The following IFFO2 variants were observed in gnomAD, a reference collection of about 807,000 sequenced individuals.
The protein encoded by IFFO2 is intermediate filament family orphan 2.
IFFO2 carries 19 observed loss-of-function variants against 53.5 expected under a neutral mutation model. That is an observed-to-expected ratio of 0.36 (90% CI 0.25 to 0.52). IFFO2 has a LOEUF of 0.52. IFFO2 is among the 20% of genes least tolerant of loss of function. The probability of loss-of-function intolerance (pLI) is 0.94; values close to 1 mark genes in which losing one functional copy is unlikely to be tolerated. For missense variants in IFFO2, 570 were observed against 727.4 expected (o/e 0.78, Z 2.49); for synonymous variants, 303 against 313.6 (o/e 0.97, Z 0.36).
At chr1:18,933,154 G>T (rs1265374417) in intron 1 of IFFO2, among the ~76,000 whole-genome samples, 1 of 152,230 alleles carries the variant, frequency 6.6e-6, no homozygotes, top group Non-Finnish European at 1.5e-5. Context: ...CGGAGCTCTC[G>T]CTGGGGCAGG....
At chr1:18,946,405 CT>C (rs966978762) in intron 1 of IFFO2, among the ~76,000 whole-genome samples, 2 of 135,234 alleles carry the variant, frequency 1.5e-5, no homozygotes, top group African/African-American at 5.5e-5. Flanking sequence ...GGGCTTGCCA[CT>C]TTCTTTTTTT....
Position 18,913,808 on chromosome 1 carries a change from TTTGTTG to T in IFFO2, c.1104-1731_1104-1726del, listed in dbSNP as rs965658120. 2.3e-4 allele frequency among the ~76,000 whole-genome samples: 27 copies of T among 116,678 alleles called. No homozygotes were observed. The East Asian group carries it at 4.8e-3, about 21-fold the overall frequency. 76.5% of individuals were successfully genotyped at this position (116,678 alleles called of 152,430 possible). On this transcript the variant is annotated intron_variant, in intron 5 of 8. Transcript: ENST00000455833. Reference sequence around the variant, plus strand: ...ATCAAAGTGATCAGAGGTTTCGTTGTTTGTTGTTGTTGTTGTTTTTTTGTTTGTTTG... The same window carrying T: ...ATCAAAGTGATCAGAGGTTTCGTTGTTTGTTGTTGTTTTTTTGTTTGTTTG...
intron 5 of IFFO2, among the ~76,000 whole-genome samples, chr1:18,913,334 C>T (rs765683172): frequency 2.0e-5 from 3 of 152,264 alleles, no homozygotes; most frequent in Non-Finnish European, 4.4e-5. Context: ...CCGTGTGGCC[C>T]GGAGCCGCCA....
At position 18,908,574 on chromosome 1, in the gene IFFO2, G is replaced by A. The variant is rs1490505472; in HGVS notation, c.1541C>T (p.Pro514Leu). The A allele has an allele frequency of 1.3e-6, 2 of 1,551,224 alleles. No homozygotes were observed. Among genetic ancestry groups the A allele is most frequent in the African/African-American group, 2.7e-5 (2 of 73,044 alleles). Residue 514 changes from proline to leucine, a missense_variant, in exon 9 of 9, where the codon CCC (proline) becomes CTC (leucine). Coordinates refer to ENST00000455833, the MANE Select transcript of IFFO2 (RefSeq NM_001136265.2). The stretch of plus-strand genomic sequence containing the variant: ...GGGCCTCAGTCATCAGCTGACCATG[G>A]GCTCCACATCCGCCTCGCGCTCGAA... ...DEFEREADVE[P>L]MVS
chr1:18,954,692 C>G (rs553421049), intron 1 of IFFO2, among the ~76,000 whole-genome samples: 77 of 152,312 alleles, frequency 5.1e-4, no homozygotes, highest in South Asian at 8.3e-4. Flanking sequence ...CTCCTCTTAT[C>G]GGAAAGCCAA....
intron 1 of IFFO2, among the ~76,000 whole-genome samples, chr1:18,953,076 G>A (rs1314655212): frequency 1.3e-5 from 2 of 152,142 alleles, no homozygotes; most frequent in Non-Finnish European, 2.9e-5. Context: ...TTCCCTTCTG[G>A]GTTAGGCTCC....
chr1:18,951,246 C>G (rs1173618794), intron 1 of IFFO2, among the ~76,000 whole-genome samples: 1 of 152,176 alleles, frequency 6.6e-6, no homozygotes, highest in African/African-American at 2.4e-5. Context: ...CTCAGCCTCC[C>G]ACTGTCCCCC....
chr1:18,955,921 C>A lies in IFFO2; in HGVS notation c.412G>T (p.Val138Leu). 3.1e-6 allele frequency: 4 copies of A among 1,284,368 alleles called. No individual in the cohort carries two copies. The highest frequency in any genetic ancestry group is 3.9e-6 in the Non-Finnish European group (4 of 1,022,572). 79.6% of individuals were successfully genotyped at this position (1,284,368 alleles called of 1,614,324 possible). ...GAAAGANANA[V>L]ALGGLPPGGG... ...CCGGGGGGCAGGCCGCCCAGGGCCACGGCATTGGCGTTGGCGCCGGCCGCC... is the reference window on the plus strand; with the variant it reads ...CCGGGGGGCAGGCCGCCCAGGGCCAAGGCATTGGCGTTGGCGCCGGCCGCC... The change falls in exon 1 of 9, where the codon GTG (valine) becomes TTG (leucine). Residue 138 changes from valine to leucine, a missense_variant. By Grantham distance (32) the Val-to-Leu change is conservative. Coordinates refer to ENST00000455833, the MANE Select transcript of IFFO2 (RefSeq NM_001136265.2).
At chr1:18,913,957 G>A (rs1172482003) in intron 5 of IFFO2, among the ~76,000 whole-genome samples, 1 of 146,988 alleles carries the variant, frequency 6.8e-6, no homozygotes, top group African/African-American at 2.7e-5. Flanking sequence ...TCAGCCTCCT[G>A]CGTAGCTGGG....
At chr1:18,944,689 T>TAC (rs1490887018) in intron 1 of IFFO2, among the ~76,000 whole-genome samples, 1 of 151,960 alleles carries the variant, frequency 6.6e-6, no homozygotes, top group Non-Finnish European at 1.5e-5. Flanking sequence ...CATGCGTGTA[T>TAC]ACACACACAC....
rs540486849 is a variant in IFFO2 at position 18,919,224 on chromosome 1, G to A, written c.822+454C>T. Among the ~76,000 whole-genome samples the A allele has an allele frequency of 1.1e-3, 161 of 152,290 alleles. No homozygotes were observed. In the Middle Eastern group the frequency reaches 0.014, roughly 13 times the overall value. ...GGGCCCCAGATTGTCAAAAAGACACGCGCACTGGCCTTTCCTGACCTCATG... is the reference window on the plus strand; with the variant it reads ...GGGCCCCAGATTGTCAAAAAGACACACGCACTGGCCTTTCCTGACCTCATG... On this transcript the variant is annotated intron_variant, in intron 3 of 8. Transcript: ENST00000455833. This position sits in a 1 kb window ranked among gnomAD's most constrained non-coding sequence, Gnocchi z 4.9.
chr1:18,952,439 C>T (rs536175589), intron 1 of IFFO2, among the ~76,000 whole-genome samples: 4 of 152,190 alleles, frequency 2.6e-5, no homozygotes, highest in African/African-American at 4.8e-5. Flanking sequence ...ATACAGTTGA[C>T]GTTTTAAATT....
intron 1 of IFFO2, among the ~76,000 whole-genome samples, chr1:18,926,561 G>T (rs1936300326): frequency 1.3e-5 from 2 of 152,318 alleles, no homozygotes; most frequent in African/African-American, 2.4e-5. Flanking sequence ...GGCCAGGAGG[G>T]AGAGGTGGCA....
At chr1:18,922,972 C>G (rs1242122610) in intron 1 of IFFO2, among the ~76,000 whole-genome samples, 2 of 152,046 alleles carry the variant, frequency 1.3e-5, no homozygotes, top group East Asian at 1.9e-4. Flanking sequence ...CACAGGGCAT[C>G]TGGGGCTTCT....
intron 1 of IFFO2, among the ~76,000 whole-genome samples, chr1:18,922,191 A>G (rs900488114): frequency 1.3e-5 from 2 of 152,152 alleles, no homozygotes; most frequent in African/African-American, 2.4e-5. Flanking sequence ...GGAGCTCCTC[A>G]TAGACCCAGG....
chr1:18,935,606 C>G (rs1007729596), intron 1 of IFFO2, among the ~76,000 whole-genome samples: 1 of 152,136 alleles, frequency 6.6e-6, no homozygotes, highest in Admixed American at 6.5e-5. Context: ...CTATTCTGTA[C>G]TACAAAGGCT....
At chr1:18,951,065 C>A (rs777657883) in intron 1 of IFFO2, among the ~76,000 whole-genome samples, 5 of 152,208 alleles carry the variant, frequency 3.3e-5, no homozygotes, top group Non-Finnish European at 7.3e-5. Flanking sequence ...AGGGCCAGCC[C>A]CCCTCTGGGC....
rs1240229751 is a variant in IFFO2, at chr1:18,918,457, C to T, written c.868G>A (p.Val290Met). The T allele has an allele frequency of 6.4e-7, 1 of 1,559,976 alleles. No homozygotes were observed. The highest frequency in any genetic ancestry group is 8.7e-7 in the Non-Finnish European group (1 of 1,151,232). ...DTKIQEKAMKVDMDICRRIDI... is the reference protein window; with the variant it reads ...DTKIQEKAMKMDMDICRRIDI... ...ATTCGGCGGCAGATGTCCATGTCCACCTTCATGGCCTTTTCTTGGATCTTT... is the reference window on the plus strand; with the variant it reads ...ATTCGGCGGCAGATGTCCATGTCCATCTTCATGGCCTTTTCTTGGATCTTT... The change falls in exon 4 of 9, where the codon GTG becomes ATG. Residue 290 changes from valine (V) to methionine (M), a missense_variant. Physicochemically the swap from Val to Met is conservative, Grantham distance 21. Transcript: ENST00000455833. This position sits in a 1 kb window ranked among gnomAD's most constrained non-coding sequence, Gnocchi z 5.2.
chr1:18,941,721 C>T lies in IFFO2; in HGVS notation c.665+13947G>A, dbSNP rs560910842. On this transcript the variant is annotated intron_variant, in intron 1 of 8. Transcript: ENST00000455833. ...GGTAACAGTCTGCAAGAGGCAGGTTCGAATCCTGATCCTGGCCCTACCTCA... is the reference window on the plus strand; with the variant it reads ...GGTAACAGTCTGCAAGAGGCAGGTTTGAATCCTGATCCTGGCCCTACCTCA... Among the ~76,000 whole-genome samples, 14 of 152,302 alleles carry T rather than the reference C, an allele frequency of 9.2e-5. No individual in the cohort carries two copies. In the South Asian group the frequency reaches 1.0e-3, roughly 11 times the overall value.
Sources: allele counts gnomAD v4.1 joint callset (sites outside exome capture counted in the v4.1 genomes callset), GRCh38; gene constraint gnomAD v4.1.1; non-coding constraint Gnocchi (gnomAD v3.1); transcripts MANE v1.5; gene names NCBI Gene and HGNC (gene_info 2026-07-23, HGNC 2026-07-21).